Variants in SUSD6 observed in about 807,000 individuals in gnomAD.
The protein encoded by SUSD6 is sushi domain containing 6, also known as sushi domain-containing protein 6.
SUSD6 carries 16 observed loss-of-function variants against 28.4 expected under a neutral mutation model. That is an observed-to-expected ratio of 0.56 (90% CI 0.38 to 0.86). SUSD6 has a LOEUF of 0.86. Among genes scored for constraint, SUSD6 ranks in the 40% least tolerant of loss-of-function variants. The pLI is 0.00. For synonymous variants in SUSD6, 147 were observed against 159.6 expected, an observed-to-expected ratio of 0.92 and a Z score of 0.59; for missense variants, 341 against 384.2, an observed-to-expected ratio of 0.89 and a Z score of 0.94.
At chr14:69,660,422 G>C (rs1036238410) in intron 2 of SUSD6, among the ~76,000 whole-genome samples, 10 of 152,200 alleles carry the variant, frequency 6.6e-5, no homozygotes, top group African/African-American at 2.4e-4. Flanking sequence ...CACAGCCCAG[G>C]GGGCCATGAT....
chr14:69,637,627 G>A (rs1354566584), intron 1 of SUSD6, among the ~76,000 whole-genome samples: 1 of 152,170 alleles, frequency 6.6e-6, no homozygotes, highest in African/African-American at 2.4e-5. Flanking sequence ...ATTGGGTGAT[G>A]TTGCCATCCC....
intron 1 of SUSD6, chr14:69,615,820 G>A (rs1478209048): frequency 6.6e-6 from 1 of 152,182 alleles, no homozygotes; most frequent in African/African-American, 2.4e-5. Context: ...AAGGAAAATA[G>A]CCACCCTTGA....
chr14:69,700,639 T>C (rs1487706809), intron 2 of SUSD6, among the ~76,000 whole-genome samples: 2 of 152,226 alleles, frequency 1.3e-5, no homozygotes, highest in Admixed American at 6.5e-5. Context: ...CCTGATGAAG[T>C]GAAGCCCCAT....
intron 1 of SUSD6, among the ~76,000 whole-genome samples, chr14:69,622,044 A>G (rs1217959541): frequency 6.6e-6 from 1 of 152,200 alleles, no homozygotes; most frequent in East Asian, 1.9e-4. Context: ...TTAATTGATC[A>G]AGTATTTATC....
At chr14:69,630,492 C>T (rs764277150) in intron 1 of SUSD6, among the ~76,000 whole-genome samples, 1 of 152,272 alleles carries the variant, frequency 6.6e-6, no homozygotes, top group Non-Finnish European at 1.5e-5. Context: ...ACAATTGAAA[C>T]AGATAATTTA....
chr14:69,628,120 A>G (rs1287219305), intron 1 of SUSD6, among the ~76,000 whole-genome samples: 1 of 151,954 alleles, frequency 6.6e-6, no homozygotes, highest in African/African-American at 2.4e-5. Context: ...TTTAGTAGAG[A>G]CGGGGTTTCA....
chr14:69,644,627 G>A (rs2139605150), intron 1 of SUSD6, among the ~76,000 whole-genome samples: 1 of 151,764 alleles, frequency 6.6e-6, no homozygotes, highest in Admixed American at 6.6e-5. Context: ...TTGCGACAGA[G>A]TGAGACTCCG....
intron 1 of SUSD6, among the ~76,000 whole-genome samples, chr14:69,641,672 C>T (rs1475619012): frequency 6.6e-6 from 1 of 152,132 alleles, no homozygotes; most frequent in Non-Finnish European, 1.5e-5. Flanking sequence ...TCGTTGCAGC[C>T]TCAACCTCCT....
At chr14:69,664,271 C>A (rs1372552955) in intron 2 of SUSD6, among the ~76,000 whole-genome samples, 1 of 152,156 alleles carries the variant, frequency 6.6e-6, no homozygotes, top group Non-Finnish European at 1.5e-5. Context: ...TGAGCCACTG[C>A]GCCTGGCCCT....
At chr14:69,653,089 A>T (rs1885527160) in intron 1 of SUSD6, among the ~76,000 whole-genome samples, 1 of 152,230 alleles carries the variant, frequency 6.6e-6, no homozygotes, top group Non-Finnish European at 1.5e-5. Context: ...GACTTCCTCA[A>T]GGTCAGAGCT....
At chr14:69,705,546 C>T (rs1886376591) in intron 4 of SUSD6, among the ~76,000 whole-genome samples, 1 of 152,166 alleles carries the variant, frequency 6.6e-6, no homozygotes, top group Non-Finnish European at 1.5e-5. Context: ...ATCCTGCACT[C>T]CTGGTTCCCA....
intron 2 of SUSD6, among the ~76,000 whole-genome samples, chr14:69,702,693 CTT>C (rs1260186622): frequency 1.3e-5 from 2 of 152,240 alleles, no homozygotes; most frequent in Non-Finnish European, 2.9e-5. Context: ...CTAAAAGTCA[CTT>C]AACTTTTGTG....
chr14:69,639,854 T>C (rs1885322984), intron 1 of SUSD6, among the ~76,000 whole-genome samples: 2 of 151,586 alleles, frequency 1.3e-5, no homozygotes, highest in Non-Finnish European at 2.9e-5. Context: ...CTCTAGACAT[T>C]GCCAAATGGG....
At chr14:69,658,343 G>A (rs1885614647) in intron 1 of SUSD6, among the ~76,000 whole-genome samples, 170 bp from the exon 2 acceptor site, 1 of 152,218 alleles carries the variant, frequency 6.6e-6, no homozygotes, top group African/African-American at 2.4e-5. Context: ...TTTCCCCAGG[G>A]AGGAGTTGAA....
chr14:69,656,182 A>C (rs1595044382), intron 1 of SUSD6, among the ~76,000 whole-genome samples: 2 of 131,250 alleles, frequency 1.5e-5, no homozygotes, highest in African/African-American at 5.9e-5. Flanking sequence ...CTATTCCTCC[A>C]TTCTTCCCTC....
chr14:69,624,856 T>C (rs1237045237), intron 1 of SUSD6, among the ~76,000 whole-genome samples: 4 of 152,190 alleles, frequency 2.6e-5, no homozygotes, highest in African/African-American at 9.7e-5. Context: ...TGTGGGGAAT[T>C]CTGGATGTGA....
intron 2 of SUSD6, among the ~76,000 whole-genome samples, chr14:69,697,736 C>T (rs1484487095): frequency 6.6e-6 from 1 of 152,176 alleles, no homozygotes; most frequent in Non-Finnish European, 1.5e-5. Context: ...TTCTTCTTTG[C>T]CTCAGGCTCT....
chr14:69,643,970 G>C (rs1885389153), intron 1 of SUSD6, among the ~76,000 whole-genome samples: 1 of 152,142 alleles, frequency 6.6e-6, no homozygotes, highest in Non-Finnish European at 1.5e-5. Flanking sequence ...AATTTTCTCT[G>C]TCACTTCCCT....
chr14:69,710,889 G>A, intron 5 of SUSD6, 65 bp from the exon 6 acceptor site: 2 of 1,492,274 alleles, frequency 1.3e-6, no homozygotes, highest in Non-Finnish European at 1.9e-6. Context: ...GTTGCAGTGG[G>A]GTCGAGAGTG....
Sources: allele counts gnomAD v4.1 joint callset (sites outside exome capture counted in the v4.1 genomes callset), GRCh38; gene constraint gnomAD v4.1.1; transcripts MANE v1.5; gene names NCBI Gene and HGNC (gene_info 2026-07-23, HGNC 2026-07-21).